APP: variants seen among roughly 807,000 people sequenced by gnomAD.
APP encodes amyloid beta precursor protein.
A neutral mutation model predicts 101.4 loss-of-function variants in APP; 31 were observed. The observed-to-expected ratio is 0.31, with a 90% CI of 0.23 to 0.41. The LOEUF is 0.41. APP is among the 10% of genes least tolerant of loss of function. The pLI is 1.00. For synonymous variants in APP, 366 were observed against 364.4 expected (o/e 1.00, Z -0.05); for missense variants, 839 against 1,003.7 (o/e 0.84, Z 2.22).
chr21:26,086,804 T>C (rs2061714959), intron 3 of APP, among the ~76,000 whole-genome samples: 1 of 152,228 alleles, frequency 6.6e-6, no homozygotes. Context: ...CTATTGTCTC[T>C]AATTCATAGT....
Position 25,905,013 on chromosome 21 carries a change from G to A in APP, c.1963+11C>T, listed in dbSNP as rs763648992. On this transcript the variant is annotated intron_variant, in intron 15 of 17. Transcript: ENST00000346798. ...AGATGCGGAGAGGCACAAGTCAAGCGGTTCTGATACCTGGTCGAGTGGTCA... is the reference window on the plus strand; with the variant it reads ...AGATGCGGAGAGGCACAAGTCAAGCAGTTCTGATACCTGGTCGAGTGGTCA... 1.7e-5 allele frequency: 27 copies of A among 1,613,206 alleles called. No individual in the cohort carries two copies. Among genetic ancestry groups the A allele is most frequent in the Middle Eastern group, 3.3e-4 (2 of 6,060 alleles).
intron 8 of APP, among the ~76,000 whole-genome samples, chr21:25,995,010 T>C (rs111261025): frequency 4.9e-4 from 74 of 152,232 alleles, no homozygotes; most frequent in African/African-American, 1.5e-3. Context: ...CCTCCTAGAA[T>C]GGAAAGGTGT....
chr21:26,105,639 T>C (rs1401051166), intron 2 of APP, among the ~76,000 whole-genome samples: 1 of 152,166 alleles, frequency 6.6e-6, no homozygotes, highest in Admixed American at 6.5e-5. Context: ...ATAGCTACAA[T>C]GTGGAAAGTG....
At chr21:26,008,553 T>C (rs1254540606) in intron 6 of APP, among the ~76,000 whole-genome samples, 1 of 152,192 alleles carries the variant, frequency 6.6e-6, no homozygotes, top group Non-Finnish European at 1.5e-5. Flanking sequence ...TTACAGTGTA[T>C]GCCAACTGCC....
At chr21:26,145,069 G>A (rs1056644024) in intron 1 of APP, among the ~76,000 whole-genome samples, 3 of 152,100 alleles carry the variant, frequency 2.0e-5, no homozygotes, top group African/African-American at 7.2e-5. Flanking sequence ...ATCAAAATAC[G>A]TGCCTTCCTA....
chr21:26,153,428 C>T (rs1479450961), intron 1 of APP, among the ~76,000 whole-genome samples: 1 of 151,762 alleles, frequency 6.6e-6, no homozygotes, highest in Admixed American at 6.6e-5. Context: ...AAGACAGCTG[C>T]CTAAGGAAAC....
chr21:25,970,714 T>G (rs2146552637), intron 11 of APP, among the ~76,000 whole-genome samples: 1 of 152,316 alleles, frequency 6.6e-6, no homozygotes, highest in Non-Finnish European at 1.5e-5. Flanking sequence ...GACTCGCGGC[T>G]CTACCCTCTC....
At chr21:25,927,955 C>G (rs2039970823) in intron 13 of APP, among the ~76,000 whole-genome samples, 1 of 152,188 alleles carries the variant, frequency 6.6e-6, no homozygotes, top group Non-Finnish European at 1.5e-5. Context: ...TCCCGTTTAC[C>G]TGTAGAACTT....
intron 17 of APP, among the ~76,000 whole-genome samples, chr21:25,884,468 TGTC>T (rs1190547974): frequency 6.6e-6 from 1 of 152,258 alleles, no homozygotes; most frequent in East Asian, 1.9e-4. Context: ...TGTGCACTGT[TGTC>T]AACAAATGAG....
chr21:26,024,501 G>A (rs368328907), intron 5 of APP, among the ~76,000 whole-genome samples: 1 of 152,090 alleles, frequency 6.6e-6, no homozygotes, highest in South Asian at 2.1e-4. Context: ...TGAGACAAGC[G>A]AACACTATGA....
chr21:25,997,753 A>G (rs1026801548), intron 7 of APP, among the ~76,000 whole-genome samples: 3 of 152,146 alleles, frequency 2.0e-5, no homozygotes, highest in African/African-American at 4.8e-5. Flanking sequence ...TCACTCATTC[A>G]TAGGACAGCA....
intron 4 of APP, among the ~76,000 whole-genome samples, chr21:26,052,267 T>C (rs8133611): frequency 0.02 from 3,020 of 152,286 alleles, 103 homozygotes; most frequent in African/African-American, 0.068. Context: ...TCCTGTTGAC[T>C]GTAGGATGTT....
At chr21:26,077,827 T>G (rs775321216) in intron 3 of APP, among the ~76,000 whole-genome samples, 1 of 148,138 alleles carries the variant, frequency 6.8e-6, no homozygotes, top group East Asian at 1.9e-4. Context: ...CACCAACAAG[T>G]TGAAATTTAT....
At chr21:25,889,429 A>G (rs1470668601) in intron 17 of APP, among the ~76,000 whole-genome samples, 1 of 152,174 alleles carries the variant, frequency 6.6e-6, no homozygotes, top group Non-Finnish European at 1.5e-5. Flanking sequence ...TAATCCACCC[A>G]TCTGTGTTAC....
At position 25,910,377 on chromosome 21, in the gene APP, A is replaced by G. The variant is rs546859015; in HGVS notation, c.1909+1364T>C. 3.3e-5 allele frequency among the ~76,000 whole-genome samples: 5 copies of G among 152,118 alleles called. No homozygotes were observed. The South Asian group carries it at 1.0e-3, about 32-fold the overall frequency. On this transcript the variant is annotated intron_variant, in intron 14 of 17. Transcript: ENST00000346798. ...GATCTCCTGACCTTGCGATCTGCCC[A>G]CCTCAGCCTCCCTAAGTCCTGCGAT...
intron 1 of APP, chr21:26,140,558 A>T: frequency 3.9e-6 from 1 of 258,890 alleles, no homozygotes. Flanking sequence ...CCCAAATTCC[A>T]TCCAAGGTTG....
intron 3 of APP, among the ~76,000 whole-genome samples, chr21:26,085,247 C>T (rs1250114939): frequency 6.6e-6 from 1 of 152,200 alleles, no homozygotes; most frequent in Non-Finnish European, 1.5e-5. Flanking sequence ...GCTGATTAGC[C>T]TTTCCTGATG....
chr21:25,943,825 T>A (rs974878600), intron 13 of APP, among the ~76,000 whole-genome samples: 1 of 152,208 alleles, frequency 6.6e-6, no homozygotes. Context: ...GATATCTCAG[T>A]GGTGATGATA....
chr21:25,990,582 T>A (rs1395746836), intron 8 of APP, among the ~76,000 whole-genome samples: 1 of 152,228 alleles, frequency 6.6e-6, no homozygotes, highest in East Asian at 1.9e-4. Context: ...ATAGATGAGT[T>A]CGAAAAGTCA....
Sources: allele counts gnomAD v4.1 joint callset (sites outside exome capture counted in the v4.1 genomes callset), GRCh38; gene constraint gnomAD v4.1.1; transcripts MANE v1.5; gene names NCBI Gene and HGNC (gene_info 2026-07-23, HGNC 2026-07-21).